PAH: variants seen among roughly 807,000 people sequenced by gnomAD.
The protein encoded by PAH is phenylalanine hydroxylase, also known as phenylalanine-4-hydroxylase.
A neutral mutation model predicts 62.0 loss-of-function variants in PAH; 64 were observed. The observed-to-expected ratio is 1.03, with a 90% CI of 0.84 to 1.27. The LOEUF is 1.27. Among genes scored for constraint, PAH ranks in the 50% most tolerant of loss-of-function variants. The pLI is 0.00. For missense variants in PAH, 579 were observed against 542.8 expected (o/e 1.07, Z -0.66); for synonymous variants, 195 against 196.2 (o/e 0.99, Z 0.05).
chr12:102,854,362 G>C lies in PAH; in HGVS notation c.706+774C>G, dbSNP rs7970760. On this transcript the variant is annotated intron_variant, in intron 6 of 12. Transcript: ENST00000553106. ...TTCTGCTTATTCTACCTGGCACACA[G>C]TAGGTGTTCAATATGTGCTAGTTCA... Among the ~76,000 whole-genome samples, 1,263 of 152,298 alleles carry C rather than the reference G, an allele frequency of 8.3e-3. 20 individuals are homozygous for C. Among genetic ancestry groups the C allele is most frequent in the African/African-American group, 0.029 (1,211 of 41,552 alleles).
intron 4 of PAH, among the ~76,000 whole-genome samples, chr12:102,871,939 AAAAAAAAAAAATATATATATATATATAT>A (rs1376677656): frequency 0.018 from 282 of 15,906 alleles, no homozygotes; most frequent in African/African-American, 0.037. Flanking sequence ...AAAAAAAAAA[AAAAAAAAAAAATATATATATATATATAT>A]ATATATATAT....
chr12:102,956,436 C>G (rs910969289), intron 1 of PAH, among the ~76,000 whole-genome samples: 2 of 152,160 alleles, frequency 1.3e-5, no homozygotes. Context: ...CGGCTGCAAG[C>G]GCCTCCCCCT....
chr12:102,845,881 C>T (rs150120001), intron 9 of PAH, among the ~76,000 whole-genome samples: 63 of 152,246 alleles, frequency 4.1e-4, no homozygotes, highest in African/African-American at 1.2e-3. Flanking sequence ...TTAGAAAAGT[C>T]GCATTGGTGA....
chr12:102,897,410 T>A (rs1465462452), intron 2 of PAH, among the ~76,000 whole-genome samples: 3 of 150,222 alleles, frequency 2.0e-5, no homozygotes, highest in Admixed American at 2.0e-4. Flanking sequence ...TTTTACTGAT[T>A]TGTAATAATT....
chr12:102,918,560 GTTTTTTTTTGTT>G (rs1485013759), upstream of PAH, among the ~76,000 whole-genome samples: 116 of 102,278 alleles, frequency 1.1e-3, no homozygotes, highest in African/African-American at 3.5e-3. Flanking sequence ...CCATGCCTCA[GTTTTTTTTTGTT>G]TTTTTTTTTT....
chr12:102,843,762 C>T lies in PAH; in HGVS notation c.1083G>A (p.Lys361=), dbSNP rs1874700949. ...CCAGCTCCAGGGGGAGAAGCTTTGG[C>T]TTCTCTGATAAGCAGTACTGTAGGC... ...FGELQYCLSE[K]PKLLPLELEK... The change falls in exon 11 of 13, where the codon AAG becomes AAA. Residue 361 remains lysine, a synonymous_variant. Transcript: ENST00000553106. The T allele has an allele frequency of 1.9e-6, 3 of 1,613,822 alleles. No homozygotes were observed. The highest frequency in any genetic ancestry group is 1.1e-5 in the South Asian group (1 of 91,080).
chr12:102,935,976 C>T (rs1879087434), intron 1 of PAH, among the ~76,000 whole-genome samples: 1 of 151,026 alleles, frequency 6.6e-6, no homozygotes, highest in Non-Finnish European at 1.5e-5. Context: ...GCATTGATAG[C>T]TTGTTTATTT....
chr12:102,910,527 C>T (rs528844825), intron 2 of PAH, among the ~76,000 whole-genome samples: 28 of 152,158 alleles, frequency 1.8e-4, no homozygotes, highest in Non-Finnish European at 3.8e-4. Context: ...CCCACCACCA[C>T]GCCGGGCTAA....
intron 3 of PAH, among the ~76,000 whole-genome samples, chr12:102,881,333 C>A (rs988112392): frequency 5.3e-5 from 8 of 150,972 alleles, no homozygotes; most frequent in African/African-American, 1.9e-4. Context: ...TTTTATATAA[C>A]ACATATATAT....
At chr12:102,849,687 A>G (rs1253444128) in intron 8 of PAH, among the ~76,000 whole-genome samples, 1 of 152,174 alleles carries the variant, frequency 6.6e-6, no homozygotes, top group Non-Finnish European at 1.5e-5. Context: ...TGCTCTCTCA[A>G]TTCAACTAGA....
intron 1 of PAH, among the ~76,000 whole-genome samples, chr12:102,943,243 T>C (rs892249757): frequency 2.0e-5 from 3 of 151,868 alleles, no homozygotes; most frequent in Admixed American, 6.6e-5. Flanking sequence ...AACAACCACA[T>C]TAAAAATGAG....
intron 5 of PAH, among the ~76,000 whole-genome samples, chr12:102,857,220 G>C (rs1452073898): frequency 6.6e-6 from 1 of 152,202 alleles, no homozygotes; most frequent in Non-Finnish European, 1.5e-5. Flanking sequence ...CTGGAAGAAA[G>C]GGTATCAGTG....
chr12:102,930,978 T>C (rs1012278158), intron 1 of PAH, among the ~76,000 whole-genome samples: 2 of 152,196 alleles, frequency 1.3e-5, no homozygotes, highest in Non-Finnish European at 2.9e-5. Flanking sequence ...AAATAAATTA[T>C]CTGTTTATTC....
chr12:102,871,146 G>A (rs1876299605), intron 4 of PAH, among the ~76,000 whole-genome samples: 1 of 152,152 alleles, frequency 6.6e-6, no homozygotes, highest in Admixed American at 6.5e-5. Flanking sequence ...TATTTATAAA[G>A]TGCAAGTCTG....
Position 102,847,088 on chromosome 12 carries a change from A to G in PAH, c.913-137T>C. On this transcript the variant is annotated intron_variant, in intron 8 of 12. Transcript: ENST00000553106. ...CCACATAGACCCTGAGTGTGTTATC[A>G]AGTCTTTCCTGCCCATATGTTATAG... 5 of 723,654 alleles carry G rather than the reference A, an allele frequency of 6.9e-6. No individual in the cohort carries two copies. The Middle Eastern group carries it at 1.2e-3, about 172-fold the overall frequency. The allele number at this position is 723,654 out of a possible 1,614,324, so 44.8% of individuals were successfully genotyped here. A position where few individuals can be genotyped will look rare whatever the true frequency, so the allele number is the denominator to read the frequency against.
intron 5 of PAH, among the ~76,000 whole-genome samples, chr12:102,863,800 T>C (rs1875834137): frequency 6.6e-6 from 1 of 152,144 alleles, no homozygotes; most frequent in Non-Finnish European, 1.5e-5. Context: ...AGTAGAGCTC[T>C]CCTTTATGTT....
intron 5 of PAH, among the ~76,000 whole-genome samples, chr12:102,866,266 G>A (rs895780053): frequency 3.9e-5 from 6 of 152,078 alleles, no homozygotes; most frequent in Admixed American, 1.3e-4. Flanking sequence ...AGAGAAGACC[G>A]GAGGCTGTTT....
At chr12:102,921,441 T>G (rs973384765), upstream of PAH, among the ~76,000 whole-genome samples, 2 of 152,232 alleles carry the variant, frequency 1.3e-5, no homozygotes, top group African/African-American at 4.8e-5. Flanking sequence ...TCTCAGTCAC[T>G]GAACACATTG....
chr12:102,840,268 C>A (rs995460169), intron 12 of PAH, 132 bp downstream of exon 12: 7 of 680,206 alleles, frequency 1.0e-5, no homozygotes, highest in African/African-American at 9.0e-5. Flanking sequence ...GAACCCATGG[C>A]TTACATGGAG....
Sources: allele counts gnomAD v4.1 joint callset (sites outside exome capture counted in the v4.1 genomes callset), GRCh38; gene constraint gnomAD v4.1.1; transcripts MANE v1.5; gene names NCBI Gene and HGNC (gene_info 2026-07-23, HGNC 2026-07-21).